The following KCTD8 variants were observed in gnomAD, a reference collection of about 807,000 sequenced individuals.
KCTD8 encodes potassium channel tetramerization domain containing 8.
In KCTD8, 27 loss-of-function variants were observed where a neutral mutation model predicts 31.5. The ratio of observed to expected loss-of-function variants is 0.86; its 90% CI spans 0.63 to 1.18. KCTD8 has a LOEUF of 1.18. Among genes scored for constraint, KCTD8 ranks in the 50% most tolerant of loss-of-function variants. The probability of loss-of-function intolerance (pLI) is 0.00; values close to 1 mark genes in which losing one functional copy is unlikely to be tolerated. For missense variants in KCTD8, 658 were observed against 647.7 expected, an observed-to-expected ratio of 1.02 and a Z score of -0.17; for synonymous variants, 290 against 280.0, an observed-to-expected ratio of 1.04 and a Z score of -0.36.
chr4:44,276,323 C>T (rs1253183078), intron 1 of KCTD8, among the ~76,000 whole-genome samples: 1 of 151,942 alleles, frequency 6.6e-6, no homozygotes, highest in Admixed American at 6.6e-5. Context: ...CAAATTAATA[C>T]ATTTATGTTA....
intron 1 of KCTD8, among the ~76,000 whole-genome samples, chr4:44,310,001 G>A (rs1274369144): frequency 6.6e-6 from 1 of 152,006 alleles, no homozygotes; most frequent in Non-Finnish European, 1.5e-5. Flanking sequence ...TCCTTGGAGA[G>A]ATCCTTAAAA....
At chr4:44,407,736 G>T (rs994440052) in intron 1 of KCTD8, among the ~76,000 whole-genome samples, 3 of 151,918 alleles carry the variant, frequency 2.0e-5, no homozygotes, top group Admixed American at 6.6e-5. Context: ...CCATCACCCT[G>T]GTTCAAGTCC....
At chr4:44,317,474 C>A (rs1718170476) in intron 1 of KCTD8, among the ~76,000 whole-genome samples, 1 of 140,230 alleles carries the variant, frequency 7.1e-6, no homozygotes, top group South Asian at 2.1e-4. Context: ...CTCCTGACCT[C>A]ATGATCCACC....
intron 1 of KCTD8, among the ~76,000 whole-genome samples, chr4:44,435,748 G>GA: frequency 6.6e-6 from 1 of 152,156 alleles, no homozygotes; most frequent in East Asian, 1.9e-4. Flanking sequence ...GAAGCACCAG[G>GA]TGTGCAGGAT....
chr4:44,249,466 A>G (rs56710331), intron 1 of KCTD8, among the ~76,000 whole-genome samples: 3,498 of 151,890 alleles, frequency 0.023, 147 homozygotes, highest in African/African-American at 0.081. Flanking sequence ...TAAAGAGTGA[A>G]ATAATAAATA....
At chr4:44,370,971 A>T (rs1235421372) in intron 1 of KCTD8, among the ~76,000 whole-genome samples, 1 of 152,168 alleles carries the variant, frequency 6.6e-6, no homozygotes, top group Non-Finnish European at 1.5e-5. Context: ...TATGGAAGCC[A>T]TGAAGCCCCA....
chr4:44,263,040 T>G (rs1716228613), intron 1 of KCTD8, among the ~76,000 whole-genome samples: 1 of 152,162 alleles, frequency 6.6e-6, no homozygotes, highest in Non-Finnish European at 1.5e-5. Context: ...GAGAATTTTG[T>G]GTAAATGTTT....
intron 1 of KCTD8, among the ~76,000 whole-genome samples, chr4:44,442,404 C>G (rs990529034): frequency 6.6e-6 from 1 of 151,840 alleles, no homozygotes; most frequent in African/African-American, 2.4e-5. Context: ...CTGTCCAACA[C>G]GGTGAAACCC....
At chr4:44,373,128 G>A (rs997683103) in intron 1 of KCTD8, among the ~76,000 whole-genome samples, 1 of 152,244 alleles carries the variant, frequency 6.6e-6, no homozygotes, top group African/African-American at 2.4e-5. Context: ...ACTTTGGGAG[G>A]CCGAGGAGGG....
At chr4:44,367,229 G>A (rs1268200547) in intron 1 of KCTD8, among the ~76,000 whole-genome samples, 1 of 152,062 alleles carries the variant, frequency 6.6e-6, no homozygotes, top group Admixed American at 6.6e-5. Context: ...TCCCTTACTA[G>A]TAGAAATCCC....
At chr4:44,236,955 G>T (rs893804005) in intron 1 of KCTD8, among the ~76,000 whole-genome samples, 1 of 152,138 alleles carries the variant, frequency 6.6e-6, no homozygotes, top group Non-Finnish European at 1.5e-5. Flanking sequence ...CTGCCACCAC[G>T]TAAGATGTGC....
chr4:44,285,509 A>G (rs181895826), intron 1 of KCTD8, among the ~76,000 whole-genome samples: 1 of 152,266 alleles, frequency 6.6e-6, no homozygotes, highest in East Asian at 1.9e-4. Flanking sequence ...ATTAGGAGAA[A>G]TACCAAATGT....
Position 44,447,902 on chromosome 4 carries a change from A to T in KCTD8, c.622T>A (p.Phe208Ile). 1 of 1,518,094 alleles carries T rather than the reference A, an allele frequency of 6.6e-7. No individual in the cohort carries two copies. The highest frequency in any genetic ancestry group is 1.3e-5 in the South Asian group (1 of 79,752). 94.0% of individuals were successfully genotyped at this position (1,518,094 alleles called of 1,614,324 possible). A position where few individuals can be genotyped will look rare whatever the true frequency, so the allele number is the denominator to read the frequency against. ...GGGAQDKRSG[F>I]LTLGYRGSYT... ...GAGCCCCGGTAGCCCAGCGTGAGGAAGCCCGAGCGCTTGTCCTGCGCGCCG... is the reference window on the plus strand; with the variant it reads ...GAGCCCCGGTAGCCCAGCGTGAGGATGCCCGAGCGCTTGTCCTGCGCGCCG... Residue 208 changes from phenylalanine to isoleucine, a missense_variant, in exon 1 of 2, where the codon TTC becomes ATC. Physicochemically the swap from Phe to Ile is conservative, Grantham distance 21. Transcript: ENST00000360029.
chr4:44,439,910 T>G (rs895806395), intron 1 of KCTD8, among the ~76,000 whole-genome samples: 1 of 144,604 alleles, frequency 6.9e-6, no homozygotes, highest in Non-Finnish European at 1.5e-5. Context: ...TTTTATTTAT[T>G]TATTTATTTA....
At chr4:44,188,095 T>C (rs539875009) in intron 1 of KCTD8, among the ~76,000 whole-genome samples, 6 of 152,268 alleles carry the variant, frequency 3.9e-5, no homozygotes, top group African/African-American at 1.4e-4. Flanking sequence ...GATTTTTATT[T>C]ATTGGATCTC....
intron 1 of KCTD8, among the ~76,000 whole-genome samples, chr4:44,386,954 G>A (rs1720238880): frequency 6.6e-6 from 1 of 151,558 alleles, no homozygotes; most frequent in African/African-American, 2.4e-5. Flanking sequence ...ATTTGCAGAG[G>A]ACATTATCCT....
intron 1 of KCTD8, among the ~76,000 whole-genome samples, chr4:44,255,565 C>T (rs377431590): frequency 1.3e-5 from 2 of 151,746 alleles, no homozygotes; most frequent in East Asian, 3.9e-4. Flanking sequence ...AACTTTTTAT[C>T]CCAACCCTTT....
In KCTD8 at chr4:44,218,635, A is replaced by C. The variant is rs1387569526; in HGVS notation, c.962-43385T>G. 5.1e-5 allele frequency among the ~76,000 whole-genome samples: 7 copies of C among 138,030 alleles called. No homozygotes were observed. In the East Asian group the frequency reaches 1.5e-3, roughly 30 times the overall value. The allele number at this position is 138,030 out of a possible 152,430, so 90.6% of individuals were successfully genotyped here. A position where few individuals can be genotyped will look rare whatever the true frequency, so the allele number is the denominator to read the frequency against. ...TGTACTCACAAAAATTAAAAAATAAATAAAGAAAAAAAAATTAAAAATGTG... is the reference window on the plus strand; with the variant it reads ...TGTACTCACAAAAATTAAAAAATAACTAAAGAAAAAAAAATTAAAAATGTG... On this transcript the variant is annotated intron_variant, in intron 1 of 1. Transcript: ENST00000360029.
At chr4:44,270,946 C>T (rs1000102191) in intron 1 of KCTD8, among the ~76,000 whole-genome samples, 14 of 151,946 alleles carry the variant, frequency 9.2e-5, no homozygotes, top group African/African-American at 1.7e-4. Context: ...TTCCTACATT[C>T]GTTTCATATT....
Sources: allele counts gnomAD v4.1 joint callset (sites outside exome capture counted in the v4.1 genomes callset), GRCh38; gene constraint gnomAD v4.1.1; transcripts MANE v1.5; gene names NCBI Gene and HGNC (gene_info 2026-07-23, HGNC 2026-07-21).